OTOP3: variants seen among roughly 807,000 people sequenced by gnomAD.
OTOP3 encodes the protein otopetrin 3, also known as proton channel OTOP3.
A neutral mutation model predicts 50.8 loss-of-function variants in OTOP3; 41 were observed. The observed-to-expected ratio is 0.81, with a 90% CI of 0.63 to 1.05. The LOEUF is 1.05. Among genes scored for constraint, OTOP3 ranks in the 50% least tolerant of loss-of-function variants. The probability of loss-of-function intolerance (pLI) is 0.00; values close to 1 mark genes in which losing one functional copy is unlikely to be tolerated. For synonymous variants in OTOP3, 320 were observed against 324.4 expected, an observed-to-expected ratio of 0.99 and a Z score of 0.14; for missense variants, 788 against 760.8, an observed-to-expected ratio of 1.04 and a Z score of -0.42.
intron 3 of OTOP3, 76 bp downstream of exon 3, chr17:74,942,113 C>A: frequency 6.6e-7 from 1 of 1,509,148 alleles, no homozygotes. Flanking sequence ...CCTCCCACTA[C>A]CTATGCCTAG....
intron 1 of OTOP3, among the ~76,000 whole-genome samples, chr17:74,940,918 G>A (rs1873599): frequency 0.99 from 150,134 of 152,294 alleles, 74,006 homozygotes; most frequent in East Asian, 1. Context: ...TTCTCTACAA[G>A]ACATTTTAGG....
intron 2 of OTOP3, 38 bp downstream of exon 2, chr17:74,941,847 G>A (rs749042981): frequency 6.3e-7 from 1 of 1,592,318 alleles, no homozygotes; most frequent in Non-Finnish European, 8.6e-7. Context: ...GCAGGGGTGG[G>A]GAGGGAGAGC....
chr17:74,937,793 A>G (rs1249652056), intron 1 of OTOP3, among the ~76,000 whole-genome samples: 1 of 152,128 alleles, frequency 6.6e-6, no homozygotes, highest in East Asian at 1.9e-4. Context: ...TTCAGGACTT[A>G]ATGGGAGCCA....
At position 74,947,457 on chromosome 17, in the gene OTOP3, C is replaced by T. The variant is rs769853085; in HGVS notation, c.1548C>T (p.Leu516=). 5.0e-6 allele frequency: 8 copies of T among 1,603,330 alleles called. No homozygotes were observed. Among genetic ancestry groups the T allele is most frequent in the Non-Finnish European group, 6.8e-6 (8 of 1,173,910 alleles). ...RRALKEISLF[L]ILCNITLWMM... ...CACTCAAGGAGATCTCACTCTTCCT[C>T]ATCCTCTGCAATATCACAGTAAGTG... Residue 516 remains leucine, a synonymous_variant, in exon 6 of 7, where the codon CTC becomes CTT. Transcript: ENST00000328801.
chr17:74,947,413 C>A lies in OTOP3; in HGVS notation c.1504C>A (p.Leu502Ile), dbSNP rs754415341. Residue 502 changes from leucine to isoleucine, a missense_variant, in exon 6 of 7, where the codon CTC (leucine) becomes ATC (isoleucine). Leu to Ile is a conservative substitution (Grantham distance 5, BLOSUM62 2). Coordinates refer to ENST00000328801, the MANE Select transcript of OTOP3 (RefSeq NM_001272005.2). ...GGCCTACATCCACTCCTACAGCCAC[C>A]TCAACTGGAAGCGGAGGGCACTCAA... ...SLAYIHSYSH[L>I]NWKRRALKEI... The A allele has an allele frequency of 5.0e-6, 8 of 1,612,450 alleles. No individual in the cohort carries two copies. Among genetic ancestry groups the A allele is most frequent in the Non-Finnish European group, 6.8e-6 (8 of 1,179,612 alleles).
rs117276098 is a variant in OTOP3, at chr17:74,937,848, G to C, written c.19+1908G>C. ...AAACAGGGCACACCTCTCAATAGAG[G>C]GGAGTGGCCCCAGCAAAGTAGCACC... On this transcript the variant is annotated intron_variant, in intron 1 of 6. Coordinates refer to ENST00000328801, the MANE Select transcript of OTOP3 (RefSeq NM_001272005.2). Among the ~76,000 whole-genome samples, 783 of 152,288 alleles carry C rather than the reference G, an allele frequency of 5.1e-3. 8 individuals are homozygous for C. The highest frequency in any genetic ancestry group is 8.1e-3 in the Non-Finnish European group (550 of 68,024).
intron 3 of OTOP3, 39 bp from the exon 4 acceptor site, chr17:74,943,247 C>T: frequency 6.3e-7 from 1 of 1,599,098 alleles, no homozygotes; most frequent in Non-Finnish European, 8.6e-7. Flanking sequence ...GTCCCACCAC[C>T]TCCACCAGCC....
intron 1 of OTOP3, among the ~76,000 whole-genome samples, chr17:74,936,404 G>A (rs1183130259): frequency 1.3e-5 from 2 of 152,184 alleles, no homozygotes; most frequent in Non-Finnish European, 2.9e-5. Context: ...GGGCCCGACG[G>A]CTCCGCGGCT....
chr17:74,949,522 C>A lies in OTOP3; in HGVS notation c.*106C>A. 1 of 1,278,450 alleles carries A rather than the reference C, an allele frequency of 7.8e-7. No individual in the cohort carries two copies. The highest frequency in any genetic ancestry group is 1.1e-6 in the Non-Finnish European group (1 of 936,734). 79.2% of individuals were successfully genotyped at this position (1,278,450 alleles called of 1,614,324 possible). Reference sequence around the variant, plus strand: ...CTGAGGTGCCGAGACCAGCCTGAGGCTCTCAAGGCCTCCTGCTCCCCAGAG... The same window carrying A: ...CTGAGGTGCCGAGACCAGCCTGAGGATCTCAAGGCCTCCTGCTCCCCAGAG... On this transcript the variant is annotated 3_prime_UTR_variant, in exon 7 of 7. Transcript: ENST00000328801.
At chr17:74,942,368 C>T (rs1022433783) in intron 3 of OTOP3, among the ~76,000 whole-genome samples, 2 of 152,222 alleles carry the variant, frequency 1.3e-5, no homozygotes, top group East Asian at 1.9e-4. Context: ...CAGTGGCTCA[C>T]GCCTGTAATC....
intron 1 of OTOP3, among the ~76,000 whole-genome samples, chr17:74,936,736 G>C (rs1378803093): frequency 6.6e-6 from 1 of 152,108 alleles, no homozygotes; most frequent in African/African-American, 2.4e-5. Flanking sequence ...GTCCCCTCCA[G>C]GCCTCCAGTC....
rs769428898 is a variant in OTOP3 at position 74,947,492 on chromosome 17, AG to A, written c.1566+21del. The stretch of plus-strand genomic sequence containing the variant: ...AATATCACAGTAAGTGGCTGGGCTA[AG>A]GGGCCTGGAGGGTAGAGGTGGCCAG... On this transcript the variant is annotated intron_variant, in intron 6 of 6. Transcript: ENST00000328801. 2.6e-6 allele frequency: 4 copies of A among 1,565,616 alleles called. No individual in the cohort carries two copies. Among genetic ancestry groups the A allele is most frequent in the African/African-American group, 1.4e-5 (1 of 73,716 alleles).
chr17:74,945,360 T>C (rs1440994408), intron 5 of OTOP3, among the ~76,000 whole-genome samples: 1 of 152,220 alleles, frequency 6.6e-6, no homozygotes, highest in Admixed American at 6.5e-5. Flanking sequence ...TAAATCAATC[T>C]ATATCCCACT....
At chr17:74,947,608 G>T (rs536168119) in intron 6 of OTOP3, 133 bp downstream of exon 6, 51 of 911,168 alleles carry the variant, frequency 5.6e-5, no homozygotes, top group Non-Finnish European at 7.9e-5. Context: ...TGTCCCCCCA[G>T]TTCCCTACAG....
chr17:74,944,734 G>A (rs1267200737), intron 5 of OTOP3, among the ~76,000 whole-genome samples: 2 of 152,194 alleles, frequency 1.3e-5, no homozygotes, highest in African/African-American at 4.8e-5. Context: ...TCCAGCCTGT[G>A]TGACAAGAGT....
intron 1 of OTOP3, among the ~76,000 whole-genome samples, chr17:74,939,014 A>T (rs2039145671): frequency 6.6e-6 from 1 of 152,044 alleles, no homozygotes; most frequent in African/African-American, 2.4e-5. Flanking sequence ...CAAAAAAAAA[A>T]AAAATTAAAA....
Position 74,946,937 on chromosome 17 carries a change from A to G in OTOP3, c.1028A>G (p.Glu343Gly). 3 of 1,612,940 alleles carry G rather than the reference A, an allele frequency of 1.9e-6. No homozygotes were observed. The highest frequency in any genetic ancestry group is 1.7e-6 in the Non-Finnish European group (2 of 1,179,934). The change falls in exon 6 of 7, where the codon GAG becomes GGG. Residue 343 changes from glutamate to glycine, a missense_variant. Transcript: ENST00000328801. Reference sequence around the variant, plus strand: ...TGCGTCTTTGTGCTCTTCCAAATCGAGGCCAGTGGCCCTGCCATTGCTTGC... The same window carrying G: ...TGCGTCTTTGTGCTCTTCCAAATCGGGGCCAGTGGCCCTGCCATTGCTTGC... ...GVCVFVLFQI[E>G]ASGPAIACQY...
chr17:74,938,839 A>G (rs1288607325), intron 1 of OTOP3, among the ~76,000 whole-genome samples: 1 of 151,976 alleles, frequency 6.6e-6, no homozygotes, highest in Non-Finnish European at 1.5e-5. Flanking sequence ...CAAGAGAGCA[A>G]GGAAGGGGGC....
chr17:74,935,805 G>A (rs1417693613), upstream of OTOP3: 1 of 1,513,344 alleles, frequency 6.6e-7, no homozygotes, highest in East Asian at 2.5e-5. Flanking sequence ...AAAATCGATG[G>A]GCCGCGGAGC....
Sources: allele counts gnomAD v4.1 joint callset (sites outside exome capture counted in the v4.1 genomes callset), GRCh38; gene constraint gnomAD v4.1.1; transcripts MANE v1.5; gene names NCBI Gene and HGNC (gene_info 2026-07-23, HGNC 2026-07-21).